The following SLC24A3 variants were observed in gnomAD, a reference collection of about 807,000 sequenced individuals.
SLC24A3 encodes the protein solute carrier family 24 member 3, also known as sodium/potassium/calcium exchanger 3.
A neutral mutation model predicts 75.8 loss-of-function variants in SLC24A3; 28 were observed. That is an observed-to-expected ratio of 0.37 (90% CI 0.27 to 0.51). SLC24A3 has a LOEUF of 0.51. Ranked by LOEUF, SLC24A3 falls within the 20% of genes least tolerant of loss-of-function variation. The pLI, the probability that SLC24A3 is intolerant of heterozygous loss-of-function variation, is 0.94. For synonymous variants in SLC24A3, 372 were observed against 334.1 expected, an observed-to-expected ratio of 1.11 and a Z score of -1.24; for missense variants, 663 against 847.8, an observed-to-expected ratio of 0.78 and a Z score of 2.71.
chr20:19,366,984 C>G (rs965209404), intron 2 of SLC24A3, among the ~76,000 whole-genome samples: 2 of 152,158 alleles, frequency 1.3e-5, no homozygotes, highest in Non-Finnish European at 2.9e-5. Flanking sequence ...CACCAATTGG[C>G]CAGCCCTGAT....
Position 19,433,723 on chromosome 20 carries a change from T to C in SLC24A3, c.272-81765T>C, listed in dbSNP as rs73900113. Among the ~76,000 whole-genome samples the C allele has an allele frequency of 3.0e-3, 462 of 152,286 alleles. 5 individuals are homozygous for C. The highest frequency in any genetic ancestry group is 0.011 in the African/African-American group (451 of 41,540). ...CCACTGAAAAAATAGTGCGTAGCAATAGCAAGCAATTTCAAAAGGTGAGTC... is the reference window on the plus strand; with the variant it reads ...CCACTGAAAAAATAGTGCGTAGCAACAGCAAGCAATTTCAAAAGGTGAGTC... On this transcript the variant is annotated intron_variant, in intron 2 of 16. Coordinates refer to ENST00000328041, the MANE Select transcript of SLC24A3 (RefSeq NM_020689.4).
chr20:19,634,961 C>A (rs538611029), intron 6 of SLC24A3, among the ~76,000 whole-genome samples: 1 of 152,114 alleles, frequency 6.6e-6, no homozygotes, highest in East Asian at 1.9e-4. Context: ...CTTCACAGTG[C>A]GTATGTTTAG....
chr20:19,402,656 G>T (rs1331521108), intron 2 of SLC24A3, among the ~76,000 whole-genome samples: 1 of 151,976 alleles, frequency 6.6e-6, no homozygotes, highest in Non-Finnish European at 1.5e-5. Context: ...TTGTTTTTTT[G>T]ACAGATGAAA....
At chr20:19,482,299 C>T (rs1953545927) in intron 2 of SLC24A3, among the ~76,000 whole-genome samples, 2 of 152,134 alleles carry the variant, frequency 1.3e-5, no homozygotes, top group South Asian at 2.1e-4. Flanking sequence ...GCCTCATTCT[C>T]CTTCTTCAGC....
chr20:19,292,270 C>T (rs1983960074), intron 2 of SLC24A3, among the ~76,000 whole-genome samples: 1 of 152,124 alleles, frequency 6.6e-6, no homozygotes, highest in African/African-American at 2.4e-5. Flanking sequence ...CCTGAGGGGT[C>T]CTGCAAACGG....
At chr20:19,221,872 G>T (rs1402347432) in intron 1 of SLC24A3, among the ~76,000 whole-genome samples, 1 of 152,090 alleles carries the variant, frequency 6.6e-6, no homozygotes, top group African/African-American at 2.4e-5. Context: ...CTTTCACCAG[G>T]TTCTCTTAAA....
chr20:19,706,063 A>G (rs1457532933), intron 15 of SLC24A3, among the ~76,000 whole-genome samples: 3 of 152,186 alleles, frequency 2.0e-5, no homozygotes, highest in Non-Finnish European at 4.4e-5. Context: ...GAAATGTAAA[A>G]TAAATCTGAG....
At chr20:19,610,932 C>T (rs1194530041) in intron 6 of SLC24A3, among the ~76,000 whole-genome samples, 1 of 152,226 alleles carries the variant, frequency 6.6e-6, no homozygotes, top group Non-Finnish European at 1.5e-5. Context: ...GTCCAGCCCC[C>T]ATGCATGGAA....
At chr20:19,470,208 T>A (rs1987846024) in intron 2 of SLC24A3, among the ~76,000 whole-genome samples, 1 of 152,218 alleles carries the variant, frequency 6.6e-6, no homozygotes, top group Non-Finnish European at 1.5e-5. Context: ...ATCCTTTCTT[T>A]TCCATCTGCT....
chr20:19,228,179 A>G (rs1981919820), intron 1 of SLC24A3, among the ~76,000 whole-genome samples: 2 of 152,204 alleles, frequency 1.3e-5, no homozygotes, highest in African/African-American at 2.4e-5. Flanking sequence ...AAATAAACTT[A>G]TTCTATGAAT....
intron 6 of SLC24A3, among the ~76,000 whole-genome samples, chr20:19,607,400 G>A (rs186105730): frequency 1.3e-5 from 2 of 152,034 alleles, no homozygotes; most frequent in Admixed American, 1.3e-4. Flanking sequence ...CTCATCCTTG[G>A]TCTTGATTTT....
intron 2 of SLC24A3, among the ~76,000 whole-genome samples, chr20:19,372,492 G>A (rs187948215): frequency 7.4e-4 from 113 of 152,302 alleles, no homozygotes; most frequent in Middle Eastern, 3.4e-3. Flanking sequence ...GGTTCATGCG[G>A]GAATAAAGGC....
rs150232909 is a variant in SLC24A3 at position 19,670,643 on chromosome 20, G to A, written c.714-2958G>A. The stretch of plus-strand genomic sequence containing the variant: ...TATTAAAATGCATCTAAGCAATAAC[G>A]TGACATCCCTTCAGAACCTGGGAGC... On this transcript the variant is annotated intron_variant, in intron 8 of 16. Transcript: ENST00000328041. Among the ~76,000 whole-genome samples the A allele has an allele frequency of 1.4e-4, 22 of 152,280 alleles. No homozygotes were observed. The East Asian group carries it at 3.7e-3, about 25-fold the overall frequency.
At chr20:19,378,400 G>T (rs1309960910) in intron 2 of SLC24A3, among the ~76,000 whole-genome samples, 3 of 152,156 alleles carry the variant, frequency 2.0e-5, no homozygotes, top group Admixed American at 6.5e-5. Context: ...CCAAGCTACT[G>T]GCTATAAATT....
intron 1 of SLC24A3, among the ~76,000 whole-genome samples, chr20:19,252,652 G>A (rs1982699487): frequency 6.8e-6 from 1 of 147,186 alleles, no homozygotes; most frequent in Non-Finnish European, 1.5e-5. Context: ...GCGGGGGGGG[G>A]TGCCTGTTCC....
At chr20:19,552,918 C>T (rs915705962) in intron 3 of SLC24A3, among the ~76,000 whole-genome samples, 4 of 152,118 alleles carry the variant, frequency 2.6e-5, no homozygotes, top group African/African-American at 9.7e-5. Context: ...TAAACCACAA[C>T]CAGCAGGAAT....
chr20:19,605,062 C>T (rs551702821), intron 6 of SLC24A3, among the ~76,000 whole-genome samples: 32 of 152,182 alleles, frequency 2.1e-4, no homozygotes, highest in Admixed American at 1.0e-3. Context: ...AGTCTGACCA[C>T]GGCTTATGCT....
At chr20:19,702,882 A>G (rs2032890404) in intron 15 of SLC24A3, among the ~76,000 whole-genome samples, 1 of 152,214 alleles carries the variant, frequency 6.6e-6, no homozygotes, top group African/African-American at 2.4e-5. Context: ...ATTTCTGGTT[A>G]GCTTATTTTT....
intron 1 of SLC24A3, among the ~76,000 whole-genome samples, chr20:19,251,647 G>T (rs536578301): frequency 1.7e-4 from 26 of 152,242 alleles, no homozygotes; most frequent in Middle Eastern, 3.4e-3. Flanking sequence ...AGGAAGCCAG[G>T]GTATTGATCC....
Sources: allele counts gnomAD v4.1 joint callset (sites outside exome capture counted in the v4.1 genomes callset), GRCh38; gene constraint gnomAD v4.1.1; transcripts MANE v1.5; gene names NCBI Gene and HGNC (gene_info 2026-07-23, HGNC 2026-07-21).